DPYD: variants seen among roughly 807,000 people sequenced by gnomAD.
DPYD encodes the protein dihydropyrimidine dehydrogenase [NADP(+)].
A neutral mutation model predicts 116.2 loss-of-function variants in DPYD; 109 were observed. The ratio of observed to expected loss-of-function variants is 0.94; its 90% CI spans 0.80 to 1.10. The LOEUF is 1.10. Among genes scored for constraint, DPYD ranks in the 50% least tolerant of loss-of-function variants. The pLI is 0.00. For missense variants in DPYD, 1,302 were observed against 1,254.5 expected (o/e 1.04, Z -0.57); for synonymous variants, 440 against 432.0 (o/e 1.02, Z -0.23).
chr1:97,642,576 T>C (rs1657989795), intron 8 of DPYD, among the ~76,000 whole-genome samples: 1 of 151,806 alleles, frequency 6.6e-6, no homozygotes, highest in Non-Finnish European at 1.5e-5. Flanking sequence ...CCTTACACCT[T>C]TTACAAAAAT....
chr1:97,789,392 C>T (rs1250259045), intron 3 of DPYD, among the ~76,000 whole-genome samples: 1 of 152,098 alleles, frequency 6.6e-6, no homozygotes, highest in African/African-American at 2.4e-5. Context: ...ATACTGGGAG[C>T]ATCAATCATT....
intron 2 of DPYD, among the ~76,000 whole-genome samples, chr1:97,875,977 G>A (rs944293128): frequency 6.6e-5 from 10 of 151,862 alleles, no homozygotes; most frequent in Non-Finnish European, 1.3e-4. Context: ...AGTTGAATAC[G>A]GGGTTTTTCT....
At chr1:97,609,652 C>T (rs1440854978) in intron 8 of DPYD, among the ~76,000 whole-genome samples, 1 of 151,832 alleles carries the variant, frequency 6.6e-6, no homozygotes, top group Non-Finnish European at 1.5e-5. Context: ...TTTAAAATAG[C>T]AAAAACTGTT....
chr1:97,703,074 C>T (rs1661699875), intron 5 of DPYD, among the ~76,000 whole-genome samples: 1 of 152,040 alleles, frequency 6.6e-6, no homozygotes, highest in Non-Finnish European at 1.5e-5. Flanking sequence ...ATACTCATTA[C>T]ATTGCTTGGC....
rs1358106186 is a variant in DPYD at position 97,118,810 on chromosome 1, G to T, written c.2623-20178C>A. On this transcript the variant is annotated intron_variant, in intron 20 of 22. Transcript: ENST00000370192. ...CTAAGTTTTATAATCACATTTATTT[G>T]CTTCAAAACTTTCAAAAAACTTGTT... Among the ~76,000 whole-genome samples, 8 of 150,484 alleles carry T rather than the reference G, an allele frequency of 5.3e-5. No homozygotes were observed. The Admixed American group carries it at 5.3e-4, about 10-fold the overall frequency.
In DPYD at chr1:97,631,769, G is replaced by C. The variant is rs72732393; in HGVS notation, c.851-36603C>G. On this transcript the variant is annotated intron_variant, in intron 8 of 22. Coordinates refer to ENST00000370192, the MANE Select transcript of DPYD (RefSeq NM_000110.4). ...AAATGTCTGTTCTTTAAAGTTACGG[G>C]AGTGGGTAGAGCTTTATGACACTGT... Among the ~76,000 whole-genome samples, 610 of 152,134 alleles carry C rather than the reference G, an allele frequency of 4.0e-3. 4 individuals carry two copies. Among genetic ancestry groups the C allele is most frequent in the African/African-American group, 0.014 (562 of 41,532 alleles).
chr1:97,285,027 T>G (rs1412046981), intron 18 of DPYD, among the ~76,000 whole-genome samples: 1 of 152,156 alleles, frequency 6.6e-6, no homozygotes, highest in Non-Finnish European at 1.5e-5. Context: ...ACATTGATGC[T>G]AACGGGTCTG....
intron 16 of DPYD, among the ~76,000 whole-genome samples, chr1:97,325,707 G>A (rs1313898539): frequency 6.6e-6 from 1 of 151,982 alleles, no homozygotes; most frequent in Non-Finnish European, 1.5e-5. Context: ...AGACAACAGT[G>A]AAGGTGATTG....
chr1:97,218,353 G>T (rs1660552267), intron 19 of DPYD, among the ~76,000 whole-genome samples: 2 of 151,822 alleles, frequency 1.3e-5, no homozygotes, highest in South Asian at 4.2e-4. Flanking sequence ...AACAAAAAAT[G>T]ACCAAAAACA....
chr1:97,473,943 T>C (rs1677800598), intron 13 of DPYD, among the ~76,000 whole-genome samples: 1 of 150,676 alleles, frequency 6.6e-6, no homozygotes. Context: ...GCCCAGGAAG[T>C]TGAGGCTTCA....
At chr1:97,713,703 T>TA (rs1662424926) in intron 5 of DPYD, among the ~76,000 whole-genome samples, 1 of 152,134 alleles carries the variant, frequency 6.6e-6, no homozygotes, top group African/African-American at 2.4e-5. Context: ...TTTACCAGGG[T>TA]AAAAAATATT....
At chr1:97,329,637 T>C (rs1229587822) in intron 16 of DPYD, among the ~76,000 whole-genome samples, 4 of 150,598 alleles carry the variant, frequency 2.7e-5, no homozygotes, top group African/African-American at 9.8e-5. Context: ...CCTTTAATTC[T>C]AGGCACTCGG....
intron 12 of DPYD, among the ~76,000 whole-genome samples, chr1:97,535,908 T>C (rs914669201): frequency 2.6e-5 from 4 of 152,220 alleles, no homozygotes; most frequent in African/African-American, 9.6e-5. Flanking sequence ...TGATGCATAA[T>C]AATTATTTAA....
intron 12 of DPYD, among the ~76,000 whole-genome samples, chr1:97,527,365 CCA>C (rs1649223835): frequency 1.3e-5 from 2 of 152,026 alleles, no homozygotes; most frequent in African/African-American, 4.8e-5. Context: ...GCGTGAGCCA[CCA>C]TGCCCAGCTG....
intron 20 of DPYD, among the ~76,000 whole-genome samples, chr1:97,098,977 TTG>T (rs1052408424): frequency 4.6e-5 from 7 of 152,162 alleles, no homozygotes; most frequent in Non-Finnish European, 1.0e-4. Flanking sequence ...TTTGTTTGGT[TTG>T]TATAGACAGA....
chr1:97,494,131 T>A, intron 13 of DPYD, among the ~76,000 whole-genome samples: 1 of 152,202 alleles, frequency 6.6e-6, no homozygotes, highest in Non-Finnish European at 1.5e-5. Context: ...AACTACCCAA[T>A]GCTAGTTTCA....
At chr1:97,118,109 A>T (rs1473425200) in intron 20 of DPYD, among the ~76,000 whole-genome samples, 2 of 152,056 alleles carry the variant, frequency 1.3e-5, no homozygotes. Context: ...AATTGTATAT[A>T]TCTATTGATC....
At chr1:97,813,061 G>A (rs1668411917) in intron 3 of DPYD, among the ~76,000 whole-genome samples, 1 of 152,032 alleles carries the variant, frequency 6.6e-6, no homozygotes, top group African/African-American at 2.4e-5. Flanking sequence ...CCCATACAAG[G>A]AACAACTTTC....
chr1:97,454,885 G>T (rs1467187318), intron 13 of DPYD, among the ~76,000 whole-genome samples: 1 of 151,860 alleles, frequency 6.6e-6, no homozygotes, highest in Non-Finnish European at 1.5e-5. Context: ...GTCAAACAAA[G>T]TTGGATGAAA....
Sources: allele counts gnomAD v4.1 joint callset (sites outside exome capture counted in the v4.1 genomes callset), GRCh38; gene constraint gnomAD v4.1.1; transcripts MANE v1.5; gene names NCBI Gene and HGNC (gene_info 2026-07-23, HGNC 2026-07-21).